Variants in ZC3H11A observed in about 807,000 individuals in gnomAD.
The protein encoded by ZC3H11A is zinc finger CCCH-type containing 11A, also known as zinc finger CCCH domain-containing protein 11A.
Under a neutral mutation model 90.8 loss-of-function variants are expected in ZC3H11A, and 22 were observed. That is an observed-to-expected ratio of 0.24 (90% CI 0.17 to 0.35). The LOEUF is 0.35. Among genes scored for constraint, ZC3H11A ranks in the 10% least tolerant of loss-of-function variants. The probability of loss-of-function intolerance (pLI) is 1.00; values close to 1 mark genes in which losing one functional copy is unlikely to be tolerated. For synonymous variants in ZC3H11A, 294 were observed against 339.8 expected (o/e 0.87, Z 1.48); for missense variants, 701 against 964.9 (o/e 0.73, Z 3.62).
Position 203,797,765 on chromosome 1 carries a change from T to C in ZC3H11A, c.-1588+1971T>C, listed in dbSNP as rs191911955. 218 of 1,535,670 alleles carry C rather than the reference T, an allele frequency of 1.4e-4. 1 individual carries two copies. The East Asian group carries it at 3.1e-3, about 22-fold the overall frequency. Reference sequence around the variant, plus strand: ...AAAGGCGTCGAAAAAAATTGATTCTTGCCAAAAAGTTTAGTAAGGATTTGG... The same window carrying C: ...AAAGGCGTCGAAAAAAATTGATTCTCGCCAAAAAGTTTAGTAAGGATTTGG... On this transcript the variant is annotated intron_variant, in intron 1 of 17. Coordinates refer to ENST00000367210, the MANE Select transcript of ZC3H11A (RefSeq NM_001376342.1).
chr1:203,846,078 G>A (rs6685368), intron 12 of ZC3H11A, among the ~76,000 whole-genome samples: 15,837 of 124,398 alleles, frequency 0.13, 1,092 homozygotes, highest in Non-Finnish European at 0.15. Flanking sequence ...GGAGTTTGGA[G>A]ACCAGCCTGG....
intron 4 of ZC3H11A, among the ~76,000 whole-genome samples, chr1:203,819,162 GTA>G (rs1243945304): frequency 1.4e-5 from 2 of 146,602 alleles, no homozygotes; most frequent in South Asian, 2.1e-4. Flanking sequence ...ACACACACGT[GTA>G]TATATGTGTG....
In ZC3H11A at chr1:203,822,043, C is replaced by CACCG. The variant is rs533499019; in HGVS notation, c.174+3355_174+3358dup. Among the ~76,000 whole-genome samples the CACCG allele has an allele frequency of 3.2e-3, 480 of 152,232 alleles. 11 individuals carry two copies. The highest frequency in any genetic ancestry group is 5.8e-4 in the East Asian group (3 of 5,184). ...AAGTCCTGGGATTACAGGTGTGAGC[C>CACCG]ACCGTGCCTGGCCCTATGTATTTAA... On this transcript the variant is annotated intron_variant, in intron 4 of 17. Coordinates refer to ENST00000367210, the MANE Select transcript of ZC3H11A (RefSeq NM_001376342.1).
At chr1:203,842,577 T>C (rs982791282) in intron 12 of ZC3H11A, among the ~76,000 whole-genome samples, 1 of 132,894 alleles carries the variant, frequency 7.5e-6, no homozygotes, top group African/African-American at 2.8e-5. Context: ...TTCACAACTT[T>C]GGTGGCATCA....
intron 1 of ZC3H11A, chr1:203,797,976 A>T (rs1669198143): frequency 6.5e-7 from 1 of 1,535,384 alleles, no homozygotes. Context: ...GGCCATTTGT[A>T]ACCTCTGTGA....
chr1:203,810,240 T>G (rs56311694), intron 2 of ZC3H11A, among the ~76,000 whole-genome samples: 1 of 151,802 alleles, frequency 6.6e-6, no homozygotes, highest in Non-Finnish European at 1.5e-5. Flanking sequence ...TCTCTCAAAG[T>G]GTTAGGATTA....
chr1:203,827,116 A>T (rs2102978596), intron 4 of ZC3H11A, among the ~76,000 whole-genome samples: 1 of 152,322 alleles, frequency 6.6e-6, no homozygotes, highest in Non-Finnish European at 1.5e-5. Flanking sequence ...TGAGTATAGC[A>T]ATGGTTTATT....
chr1:203,797,712 AG>A, intron 1 of ZC3H11A: 1 of 1,534,836 alleles, frequency 6.5e-7, no homozygotes, highest in South Asian at 1.2e-5. Flanking sequence ...TAAAAAGAAA[AG>A]AAAGAAGGGT....
chr1:203,835,589 TGTG>T (rs1684057203), intron 10 of ZC3H11A: 1 of 177,302 alleles, frequency 5.6e-6, no homozygotes, highest in South Asian at 1.7e-4. Context: ...CTTAAACCCT[TGTG>T]GTGTACAGCG....
intron 2 of ZC3H11A, among the ~76,000 whole-genome samples, chr1:203,814,682 C>G (rs1675659354): frequency 6.6e-6 from 1 of 152,174 alleles, no homozygotes; most frequent in Non-Finnish European, 1.5e-5. Context: ...CAAAAGTCTT[C>G]CAGCCTCCAC....
intron 2 of ZC3H11A, among the ~76,000 whole-genome samples, chr1:203,811,814 G>T (rs927495218): frequency 4.7e-5 from 7 of 148,362 alleles, no homozygotes; most frequent in East Asian, 4.0e-4. Context: ...AGATAGCTTT[G>T]TCTTTTTCTT....
chr1:203,804,118 C>T (rs1671366929), intron 2 of ZC3H11A, among the ~76,000 whole-genome samples: 1 of 146,582 alleles, frequency 6.8e-6, no homozygotes, highest in South Asian at 2.1e-4. Flanking sequence ...TAATGTGGGT[C>T]TTGCATACTT....
intron 7 of ZC3H11A, 28 bp downstream of exon 7, chr1:203,829,924 T>A (rs200198842): frequency 2.3e-4 from 368 of 1,588,878 alleles, no homozygotes; most frequent in Non-Finnish European, 2.9e-4. Flanking sequence ...TGGTGCCTCT[T>A]ATAGCACTGT....
chr1:203,812,137 A>C (rs1216602379), intron 2 of ZC3H11A, among the ~76,000 whole-genome samples: 2 of 152,108 alleles, frequency 1.3e-5, no homozygotes, highest in Non-Finnish European at 2.9e-5. Context: ...TTTTAAATTC[A>C]GGGGTACATG....
chr1:203,836,438 CTTGTA>C (rs1157294859), intron 10 of ZC3H11A, among the ~76,000 whole-genome samples: 1 of 152,140 alleles, frequency 6.6e-6, no homozygotes, highest in Non-Finnish European at 1.5e-5. Flanking sequence ...TTTTAAACAA[CTTGTA>C]TTGAACAGTG....
intron 10 of ZC3H11A, 57 bp downstream of exon 10, chr1:203,833,910 T>G (rs987877378): frequency 1.3e-6 from 2 of 1,558,122 alleles, no homozygotes; most frequent in Non-Finnish European, 1.7e-6. Context: ...ATTAACATGA[T>G]AGCTTCTCCA....
rs779550403 is a variant in ZC3H11A, at chr1:203,838,063, A to G, written c.972A>G (p.Lys324=). The G allele has an allele frequency of 1.9e-6, 3 of 1,614,082 alleles. No individual in the cohort carries two copies. Among genetic ancestry groups the G allele is most frequent in the Non-Finnish European group, 2.5e-6 (3 of 1,179,942 alleles). Reference sequence around the variant, plus strand: ...CTAACATTGACAAAACACCAAAGAAAGGTACCTGTGTTCTTACATACTTTG... The same window carrying G: ...CTAACATTGACAAAACACCAAAGAAGGGTACCTGTGTTCTTACATACTTTG... ...PETNIDKTPK[K]AQVSKSLKER... is the part of the protein sequence containing the mutation. Residue 324 remains lysine (K), a splice_region_variant and synonymous_variant, in exon 11 of 18, where the codon AAA becomes AAG. Transcript: ENST00000367210.
intron 11 of ZC3H11A, among the ~76,000 whole-genome samples, chr1:203,839,056 C>G (rs1291276004): frequency 6.6e-6 from 1 of 151,598 alleles, no homozygotes; most frequent in Non-Finnish European, 1.5e-5. Context: ...AATATGGAGA[C>G]AGATTAGAAG....
chr1:203,847,795 A>G, intron 13 of ZC3H11A, 108 bp downstream of exon 13: 1 of 1,452,162 alleles, frequency 6.9e-7, no homozygotes, highest in Non-Finnish European at 9.3e-7. Flanking sequence ...TTACTCAGAT[A>G]ACGTTGAAAA....
Sources: allele counts gnomAD v4.1 joint callset (sites outside exome capture counted in the v4.1 genomes callset), GRCh38; gene constraint gnomAD v4.1.1; transcripts MANE v1.5; gene names NCBI Gene and HGNC (gene_info 2026-07-23, HGNC 2026-07-21).